TAOK1: variants seen among roughly 807,000 people sequenced by gnomAD.
TAOK1 encodes the protein TAO kinase 1.
In TAOK1, 21 loss-of-function variants were observed where a neutral mutation model predicts 138.3. The ratio of observed to expected loss-of-function variants is 0.15; its 90% CI spans 0.11 to 0.22. The LOEUF is 0.22. Among genes scored for constraint, TAOK1 ranks in the 10% least tolerant of loss-of-function variants. The probability of loss-of-function intolerance (pLI) is 1.00; values close to 1 mark genes in which losing one functional copy is unlikely to be tolerated. For missense variants in TAOK1, 651 were observed against 1,227.7 expected (o/e 0.53, Z 7.02); for synonymous variants, 361 against 398.4 (o/e 0.91, Z 1.12).
At chr17:29,500,116 C>T (rs912894075) in intron 12 of TAOK1, among the ~76,000 whole-genome samples, 5 of 152,004 alleles carry the variant, frequency 3.3e-5, no homozygotes, top group Non-Finnish European at 5.9e-5. Flanking sequence ...AGTTGGAGAA[C>T]AGCCTGGGCA....
Position 29,475,738 on chromosome 17 carries a change from C to T in TAOK1, c.273C>T (p.Tyr91=). The T allele has an allele frequency of 1.9e-6, 3 of 1,612,948 alleles. No homozygotes were observed. The highest frequency in any genetic ancestry group is 2.5e-6 in the Non-Finnish European group (3 of 1,179,580). The change falls in exon 4 of 20, where the codon TAC becomes TAT. Residue 91 remains tyrosine, a synonymous_variant. Coordinates refer to ENST00000261716, the MANE Select transcript of TAOK1 (RefSeq NM_020791.4). Reference sequence around the variant, plus strand: ...TAAAACATCCCAACAGTATAGAATACAAAGGCTGTTATTTACGTGAACACA... The same window carrying T: ...TAAAACATCCCAACAGTATAGAATATAAAGGCTGTTATTTACGTGAACACA... ...QRIKHPNSIE[Y]KGCYLREHTA...
chr17:29,493,216 C>T (rs189706427), intron 10 of TAOK1, among the ~76,000 whole-genome samples: 6 of 146,420 alleles, frequency 4.1e-5, no homozygotes, highest in East Asian at 2.1e-4. Context: ...TAAGAATGGC[C>T]GGGCGCGGTG....
At chr17:29,447,332 A>G (rs2030109444) in intron 1 of TAOK1, among the ~76,000 whole-genome samples, 1 of 151,934 alleles carries the variant, frequency 6.6e-6, no homozygotes, top group Non-Finnish European at 1.5e-5. Context: ...AAACTTTTTA[A>G]AAGTTTATCT....
chr17:29,504,276 CAAAAAAAAAA>C (rs71138826), intron 13 of TAOK1, among the ~76,000 whole-genome samples: 1 of 40,848 alleles, frequency 2.4e-5, no homozygotes, highest in Non-Finnish European at 4.4e-5. Context: ...GACCCTGTCT[CAAAAAAAAAA>C]AAAAAAAAAA....
intron 8 of TAOK1, among the ~76,000 whole-genome samples, chr17:29,485,672 G>A (rs1310825433): frequency 1.3e-5 from 2 of 151,932 alleles, no homozygotes; most frequent in Non-Finnish European, 2.9e-5. Context: ...AATAAAACAG[G>A]AAACAAAAGT....
intron 18 of TAOK1, among the ~76,000 whole-genome samples, chr17:29,530,924 A>C (rs1420904284): frequency 2.0e-5 from 3 of 150,798 alleles, no homozygotes; most frequent in African/African-American, 7.4e-5. Context: ...TATGATTATA[A>C]TGGGAATAAA....
Position 29,451,691 on chromosome 17 carries a change from G to C in TAOK1, c.132+11G>C. 1 of 1,606,366 alleles carries C rather than the reference G, an allele frequency of 6.2e-7. No individual in the cohort carries two copies. ...GGAGCAGTGTATTTTGTAAGTGTTA[G>C]TGGCTTGATGTCAGTGACTAAAATT... On this transcript the variant is annotated intron_variant, in intron 2 of 19. Transcript: ENST00000261716.
At chr17:29,491,918 T>C in intron 10 of TAOK1, 53 bp downstream of exon 10, 1 of 1,386,434 alleles carries the variant, frequency 7.2e-7, no homozygotes, top group Non-Finnish European at 1.0e-6. Context: ...AAGGCCTCAC[T>C]TTGTCACCCA....
intron 1 of TAOK1, among the ~76,000 whole-genome samples, chr17:29,442,785 G>A (rs889760628): frequency 6.6e-6 from 1 of 152,096 alleles, no homozygotes; most frequent in African/African-American, 2.4e-5. Flanking sequence ...GGCCTGGCAT[G>A]GTGGCTCATG....
rs375853499 is a variant in TAOK1 at position 29,519,976 on chromosome 17, G to A, written c.1909-2304G>A. Among the ~76,000 whole-genome samples the A allele has an allele frequency of 1.5e-4, 23 of 152,016 alleles. No individual in the cohort carries two copies. The South Asian group carries it at 4.8e-3, about 32-fold the overall frequency. ...CTGTAATCCTTGAGGTCAAGAGTTC[G>A]AGGACAGCCTGGTCAACGTGGTAAA... On this transcript the variant is annotated intron_variant, in intron 16 of 19. Coordinates refer to ENST00000261716, the MANE Select transcript of TAOK1 (RefSeq NM_020791.4).
intron 3 of TAOK1, among the ~76,000 whole-genome samples, chr17:29,472,707 T>C (rs2030851902): frequency 6.6e-6 from 1 of 151,982 alleles, no homozygotes; most frequent in Non-Finnish European, 1.5e-5. Context: ...CCCAAGTAGC[T>C]GGGATTACAG....
rs200793210 is a variant in TAOK1 at position 29,521,223 on chromosome 17, GGA to G, written c.1909-1051_1909-1050del. On this transcript the variant is annotated intron_variant, in intron 16 of 19. Transcript: ENST00000261716. ...CATGCACCAAACTGTTGGCCTCTGG[GGA>G]GAGAGTCTGCAAAGGCAAAAGGAGC... 2.4e-4 allele frequency among the ~76,000 whole-genome samples: 36 copies of G among 152,246 alleles called. No individual in the cohort carries two copies. In the East Asian group the frequency reaches 6.7e-3, roughly 29 times the overall value.
chr17:29,506,374 C>T (rs549254074), intron 13 of TAOK1, among the ~76,000 whole-genome samples: 1 of 152,202 alleles, frequency 6.6e-6, no homozygotes, highest in South Asian at 2.1e-4. Flanking sequence ...AAGACAGATA[C>T]CACATGATCT....
chr17:29,476,254 C>T (rs2030938373), intron 4 of TAOK1, among the ~76,000 whole-genome samples: 2 of 152,234 alleles, frequency 1.3e-5, no homozygotes, highest in South Asian at 2.1e-4. Context: ...TTATTTTGCC[C>T]TTTTGTTACC....
chr17:29,450,281 C>A (rs555945631), intron 1 of TAOK1, among the ~76,000 whole-genome samples: 9 of 152,200 alleles, frequency 5.9e-5, no homozygotes, highest in African/African-American at 1.9e-4. Flanking sequence ...ATTGGAAGAT[C>A]TTGCTGTGTT....
chr17:29,448,189 T>G (rs2030144550), intron 1 of TAOK1, among the ~76,000 whole-genome samples: 1 of 151,828 alleles, frequency 6.6e-6, no homozygotes, highest in Non-Finnish European at 1.5e-5. Flanking sequence ...TCGTATAGTT[T>G]CTTTTTTTTA....
chr17:29,411,313 G>T (rs1165605650), intron 1 of TAOK1, among the ~76,000 whole-genome samples: 1 of 150,874 alleles, frequency 6.6e-6, no homozygotes, highest in South Asian at 2.1e-4. Context: ...GGATGGTCTC[G>T]ATCTCCTGAC....
intron 11 of TAOK1, among the ~76,000 whole-genome samples, chr17:29,496,748 A>G (rs1382900709): frequency 1.4e-5 from 2 of 147,000 alleles, no homozygotes; most frequent in East Asian, 3.9e-4. Flanking sequence ...ACCACGCCCA[A>G]CTAATTTTTT....
chr17:29,501,293 A>G (rs1175805809), intron 12 of TAOK1, among the ~76,000 whole-genome samples: 1 of 151,540 alleles, frequency 6.6e-6, no homozygotes, highest in Non-Finnish European at 1.5e-5. Context: ...GGCCCCATCT[A>G]CTCAAGAGGC....
Sources: allele counts gnomAD v4.1 joint callset (sites outside exome capture counted in the v4.1 genomes callset), GRCh38; gene constraint gnomAD v4.1.1; transcripts MANE v1.5; gene names NCBI Gene and HGNC (gene_info 2026-07-23, HGNC 2026-07-21).